The following ANO3 variants were observed in gnomAD, a reference collection of about 807,000 sequenced individuals.
The protein encoded by ANO3 is anoctamin-3.
A neutral mutation model predicts 144.8 loss-of-function variants in ANO3; 99 were observed. The observed-to-expected ratio is 0.68, with a 90% CI of 0.58 to 0.81. The LOEUF (loss-of-function observed/expected upper bound fraction) is 0.81, where lower values mean the gene tolerates loss of function less well. ANO3 is among the 30% of genes least tolerant of loss of function. The pLI is 0.00. For missense variants in ANO3, 905 were observed against 1,202.2 expected (o/e 0.75, Z 3.66); for synonymous variants, 414 against 392.6 (o/e 1.05, Z -0.64).
chr11:26,442,135 T>C (rs1368837561), intron 2 of ANO3, 23 bp downstream of exon 2: 4 of 1,600,496 alleles, frequency 2.5e-6, no homozygotes, highest in Non-Finnish European at 3.4e-6. Context: ...TCCTATTTTC[T>C]TGTTCAATTT....
chr11:26,541,809 C>A, intron 10 of ANO3, 138 bp from the exon 11 acceptor site: 1 of 660,982 alleles, frequency 1.5e-6, no homozygotes, highest in Non-Finnish European at 2.3e-6. Flanking sequence ...CACATCATTC[C>A]AGCGATGGGC....
chr11:26,658,143 G>T (rs1446138054), intron 26 of ANO3, among the ~76,000 whole-genome samples: 2 of 74,858 alleles, frequency 2.7e-5, no homozygotes, highest in Non-Finnish European at 7.1e-5. Flanking sequence ...AGAGATAGGG[G>T]TCTAGTTTCA....
intron 1 of ANO3, among the ~76,000 whole-genome samples, chr11:26,382,423 C>T (rs1025038147): frequency 6.6e-6 from 1 of 152,136 alleles, no homozygotes; most frequent in African/African-American, 2.4e-5. Context: ...ACACATTATA[C>T]CTGGCTCGTC....
chr11:26,629,759 G>A (rs1254285805), intron 18 of ANO3, among the ~76,000 whole-genome samples: 1 of 152,052 alleles, frequency 6.6e-6, no homozygotes, highest in Non-Finnish European at 1.5e-5. Flanking sequence ...AGCCTCCCGA[G>A]TAGCTGGGAT....
At chr11:26,384,353 T>C (rs1448252221) in intron 1 of ANO3, among the ~76,000 whole-genome samples, 1 of 152,156 alleles carries the variant, frequency 6.6e-6, no homozygotes, top group Non-Finnish European at 1.5e-5. Flanking sequence ...AGTAGTTAAC[T>C]TTAGACATAA....
chr11:26,482,121 C>T (rs1005764025), intron 4 of ANO3, among the ~76,000 whole-genome samples: 5 of 151,932 alleles, frequency 3.3e-5, no homozygotes, highest in African/African-American at 1.2e-4. Flanking sequence ...TGGTCCCAAC[C>T]TCCTGGGCTC....
intron 20 of ANO3, among the ~76,000 whole-genome samples, chr11:26,637,194 A>G (rs747068189): frequency 3.3e-5 from 5 of 152,158 alleles, no homozygotes; most frequent in Non-Finnish European, 5.9e-5. Context: ...TATAAATCAT[A>G]AAGTCATCAA....
rs1395506317 is a variant in ANO3, at chr11:26,656,209, C to T, written c.2657+4C>T. 1 of 1,608,872 alleles carries T rather than the reference C, an allele frequency of 6.2e-7. No homozygotes were observed. The highest frequency in any genetic ancestry group is 1.1e-5 in the South Asian group (1 of 90,892). Reference sequence around the variant, plus strand: ...TGGGAAAATCTGGTTATTGCAGGTACTTATAATAGTTATCTTTCCTGCTTG... The same window carrying T: ...TGGGAAAATCTGGTTATTGCAGGTATTTATAATAGTTATCTTTCCTGCTTG... On this transcript the variant is annotated splice_donor_region_variant and intron_variant, in intron 25 of 26. Coordinates refer to ENST00000256737, the MANE Select transcript of ANO3 (RefSeq NM_031418.4).
intron 1 of ANO3, among the ~76,000 whole-genome samples, chr11:26,240,981 C>T (rs909167958): frequency 1.3e-5 from 2 of 152,144 alleles, no homozygotes; most frequent in African/African-American, 4.8e-5. Flanking sequence ...TTGTAACTAA[C>T]TCCCACAGTT....
chr11:26,333,509 C>T (rs1280083992), intron 1 of ANO3, among the ~76,000 whole-genome samples: 5 of 152,214 alleles, frequency 3.3e-5, no homozygotes. Context: ...GCCTCCATCT[C>T]CTGACCTCGT....
chr11:26,428,731 G>C (rs1364307054), intron 1 of ANO3, among the ~76,000 whole-genome samples: 9 of 1,458 alleles, frequency 6.2e-3, no homozygotes, highest in Non-Finnish European at 0.058. Flanking sequence ...TAGAATTTGT[G>C]TGTGTGTGTG....
At chr11:26,580,014 T>G (rs1005688634) in intron 14 of ANO3, among the ~76,000 whole-genome samples, 8 of 151,872 alleles carry the variant, frequency 5.3e-5, no homozygotes, top group Non-Finnish European at 1.0e-4. Flanking sequence ...GAAGCCCCTT[T>G]TAAGAAAAAG....
In ANO3 at chr11:26,234,018, A is replaced by C. The variant is rs183808142; in HGVS notation, c.154+44688A>C. On this transcript the variant is annotated intron_variant, in intron 1 of 27. Coordinates refer to the ANO3 transcript ENST00000672621. ...GCGGGGGGCTGAAAACCTAGATGAC[A>C]GGTTGATAGGTGCAGCAAACCACCA... Among the ~76,000 whole-genome samples the C allele has an allele frequency of 1.4e-3, 220 of 152,244 alleles. 1 individual carries two copies. Among genetic ancestry groups the C allele is most frequent in the Non-Finnish European group, 2.6e-3 (178 of 68,008 alleles).
intron 1 of ANO3, among the ~76,000 whole-genome samples, chr11:26,424,254 C>A (rs956399929): frequency 7.2e-6 from 1 of 138,732 alleles, no homozygotes; most frequent in South Asian, 2.4e-4. Flanking sequence ...TCTCCCCCCC[C>A]ACACACACAC....
intron 3 of ANO3, among the ~76,000 whole-genome samples, chr11:26,444,060 TAAC>T (rs889371231): frequency 3.9e-5 from 6 of 152,154 alleles, no homozygotes; most frequent in African/African-American, 1.2e-4. Flanking sequence ...TAATAACAAA[TAAC>T]AATTTTTGCC....
chr11:26,628,748 C>T (rs1852673484), intron 18 of ANO3, among the ~76,000 whole-genome samples: 1 of 152,138 alleles, frequency 6.6e-6, no homozygotes. Flanking sequence ...TTAGATTAGG[C>T]CCTGCTATGT....
chr11:26,632,446 G>C, intron 18 of ANO3, among the ~76,000 whole-genome samples: 1 of 150,662 alleles, frequency 6.6e-6, no homozygotes, highest in South Asian at 2.1e-4. Flanking sequence ...AACCTGGGAG[G>C]CAGAGGTTGC....
At chr11:26,534,184 G>C (rs886718467) in intron 8 of ANO3, among the ~76,000 whole-genome samples, 1 of 152,222 alleles carries the variant, frequency 6.6e-6, no homozygotes, top group African/African-American at 2.4e-5. Flanking sequence ...AGTATAAAAT[G>C]TATGGGAGCC....
chr11:26,553,242 T>TTAAAAAG lies in ANO3; in HGVS notation c.1290-7_1290-6insTAAAAAG. ...TTGTTTTGTTTTTGTTTTTGTTTTT[T>TTAAAAAG]CTCAAGCCAAGAAATTTGTAAAGCC... On this transcript the variant is annotated splice_polypyrimidine_tract_variant and splice_region_variant and intron_variant, in intron 12 of 26. Transcript: ENST00000256737. 7.0e-7 allele frequency: 1 copy of TTAAAAAG among 1,429,470 alleles called. No individual in the cohort carries two copies. The highest frequency in any genetic ancestry group is 9.8e-7 in the Non-Finnish European group (1 of 1,024,182). The allele number at this position is 1,429,470 out of a possible 1,614,324, so 88.5% of individuals were successfully genotyped here. A position where few individuals can be genotyped will look rare whatever the true frequency, so the allele number is the denominator to read the frequency against.
Sources: gnomAD v4.1 joint callset for allele counts (sites outside exome capture counted in the v4.1 genomes callset) on GRCh38, gnomAD v4.1.1 for gene constraint, MANE v1.5 for transcripts, NCBI Gene and HGNC (gene_info 2026-07-23, HGNC 2026-07-21) for gene names.